Variants in UBE2G1 observed in about 807,000 individuals in gnomAD.
The protein encoded by UBE2G1 is ubiquitin-conjugating enzyme E2 G1.
Under a neutral mutation model 22.7 loss-of-function variants are expected in UBE2G1, and 5 were observed. That is an observed-to-expected ratio of 0.22 (90% CI 0.12 to 0.46). The LOEUF is 0.46. Among genes scored for constraint, UBE2G1 ranks in the 20% least tolerant of loss-of-function variants. The pLI, the probability that UBE2G1 is intolerant of heterozygous loss-of-function variation, is 0.99. For synonymous variants in UBE2G1, 74 were observed against 67.5 expected (o/e 1.10, Z -0.47); for missense variants, 88 against 203.9 (o/e 0.43, Z 3.46).
intron 1 of UBE2G1, among the ~76,000 whole-genome samples, chr17:4,326,602 A>G (rs1010723887): frequency 2.0e-5 from 3 of 152,224 alleles, no homozygotes; most frequent in African/African-American, 7.2e-5. Flanking sequence ...CAAAAGAATT[A>G]AAGCAGGGGG....
At chr17:4,299,829 T>G (rs1159389905) in intron 2 of UBE2G1, among the ~76,000 whole-genome samples, 1 of 12,244 alleles carries the variant, frequency 8.2e-5, no homozygotes, top group African/African-American at 8.4e-5. Flanking sequence ...TTTTTTTAGT[T>G]TTTTTTTTTT....
chr17:4,289,467 A>T, intron 3 of UBE2G1, 59 bp from the exon 4 acceptor site: 1 of 1,444,664 alleles, frequency 6.9e-7, no homozygotes, highest in Non-Finnish European at 9.2e-7. Context: ...TACATGAAAT[A>T]TCAATTACAA....
chr17:4,306,929 T>A (rs1336703735), intron 2 of UBE2G1, 92 bp downstream of exon 2: 1 of 1,142,616 alleles, frequency 8.8e-7, no homozygotes, highest in Admixed American at 1.9e-5. Context: ...GGATTACAGG[T>A]GTGAGCCACC....
chr17:4,342,671 C>T (rs945457969), intron 1 of UBE2G1, among the ~76,000 whole-genome samples: 1 of 152,164 alleles, frequency 6.6e-6, no homozygotes, highest in African/African-American at 2.4e-5. Context: ...TTGTTCTCGG[C>T]TCCAATACAG....
intron 1 of UBE2G1, among the ~76,000 whole-genome samples, chr17:4,321,791 T>C (rs1419667013): frequency 6.6e-6 from 1 of 152,140 alleles, no homozygotes; most frequent in Non-Finnish European, 1.5e-5. Context: ...TGCCCAATGT[T>C]TGTTGCTATT....
At chr17:4,347,109 T>C (rs1969786441) in intron 1 of UBE2G1, among the ~76,000 whole-genome samples, 1 of 151,986 alleles carries the variant, frequency 6.6e-6, no homozygotes, top group South Asian at 2.1e-4. Flanking sequence ...GCCAAGATCA[T>C]GCCACTGCAC....
At chr17:4,331,642 A>T (rs537805367) in intron 1 of UBE2G1, 8 of 152,334 alleles carry the variant, frequency 5.3e-5, no homozygotes, top group Admixed American at 4.6e-4. Flanking sequence ...TAAAGAAATT[A>T]AAAAATAACT....
At chr17:4,333,406 G>C (rs1003143369) in intron 1 of UBE2G1, among the ~76,000 whole-genome samples, 3 of 152,108 alleles carry the variant, frequency 2.0e-5, no homozygotes, top group African/African-American at 7.2e-5. Context: ...GGCCGGGCAC[G>C]GTGGCTCTGT....
intron 5 of UBE2G1, among the ~76,000 whole-genome samples, chr17:4,282,449 A>G (rs781622540): frequency 7.2e-5 from 11 of 152,258 alleles, no homozygotes; most frequent in Non-Finnish European, 1.2e-4. Flanking sequence ...ATAATACAGT[A>G]TATGAAGATA....
At position 4,288,870 on chromosome 17, in the gene UBE2G1, G is replaced by A. The variant is rs114155892; in HGVS notation, c.426+360C>T. Among the ~76,000 whole-genome samples the A allele has an allele frequency of 1.4e-3, 212 of 152,044 alleles. 1 individual carries two copies. The highest frequency in any genetic ancestry group is 4.9e-3 in the African/African-American group (203 of 41,450). On this transcript the variant is annotated intron_variant, in intron 4 of 5. Coordinates refer to ENST00000396981, the MANE Select transcript of UBE2G1 (RefSeq NM_003342.5). ...TATCCATATTTCAAAACAACATGTT[G>A]TATACAATAAATATGCACTTTTGGT...
intron 1 of UBE2G1, among the ~76,000 whole-genome samples, chr17:4,342,378 C>A (rs1431132511): frequency 6.6e-6 from 1 of 152,104 alleles, no homozygotes; most frequent in Non-Finnish European, 1.5e-5. Flanking sequence ...ACCTGTAATC[C>A]CAGCATTTTA....
chr17:4,295,617 G>C (rs78989711), intron 3 of UBE2G1, among the ~76,000 whole-genome samples: 2 of 152,204 alleles, frequency 1.3e-5, no homozygotes, highest in East Asian at 3.9e-4. Flanking sequence ...ATAGCCTAAA[G>C]AGACAACTCT....
intron 2 of UBE2G1, among the ~76,000 whole-genome samples, chr17:4,304,960 T>C (rs1490336603): frequency 6.6e-6 from 1 of 151,690 alleles, no homozygotes; most frequent in African/African-American, 2.4e-5. Flanking sequence ...GAACTTTTTT[T>C]TTTTTTTTTT....
chr17:4,289,667 A>G (rs1413886787), intron 3 of UBE2G1, among the ~76,000 whole-genome samples: 1 of 152,248 alleles, frequency 6.6e-6, no homozygotes, highest in Non-Finnish European at 1.5e-5. Flanking sequence ...GAAGATATCT[A>G]GCACGTAGAT....
chr17:4,337,824 G>A (rs1168466727), intron 1 of UBE2G1, among the ~76,000 whole-genome samples: 1 of 151,962 alleles, frequency 6.6e-6, no homozygotes, highest in Non-Finnish European at 1.5e-5. Flanking sequence ...ATAAGAACAA[G>A]GGAATTCAAA....
intron 1 of UBE2G1, among the ~76,000 whole-genome samples, chr17:4,317,978 G>T (rs1969396527): frequency 6.6e-6 from 1 of 152,116 alleles, no homozygotes; most frequent in African/African-American, 2.4e-5. Flanking sequence ...TGATTCCTGA[G>T]GATTTCTGAA....
At chr17:4,348,509 C>T (rs1202929428) in intron 1 of UBE2G1, among the ~76,000 whole-genome samples, 4 of 147,970 alleles carry the variant, frequency 2.7e-5, no homozygotes, top group African/African-American at 7.5e-5. Context: ...GCCGAGATCC[C>T]GCCACTGCAC....
At chr17:4,293,431 C>T (rs559983815) in intron 3 of UBE2G1, among the ~76,000 whole-genome samples, 3 of 152,226 alleles carry the variant, frequency 2.0e-5, no homozygotes, top group African/African-American at 7.2e-5. Flanking sequence ...AGCTGATAGA[C>T]ATTTGGGCTG....
intron 1 of UBE2G1, among the ~76,000 whole-genome samples, chr17:4,321,431 T>G (rs1969436096): frequency 6.6e-6 from 1 of 152,146 alleles, no homozygotes; most frequent in Admixed American, 6.5e-5. Context: ...CCCACCCCGT[T>G]TTTTTTACAT....
Sources: allele counts gnomAD v4.1 joint callset (sites outside exome capture counted in the v4.1 genomes callset), GRCh38; gene constraint gnomAD v4.1.1; transcripts MANE v1.5; gene names NCBI Gene and HGNC (gene_info 2026-07-23, HGNC 2026-07-21).